Variants in SLC4A4 observed in about 807,000 individuals in gnomAD.
SLC4A4 encodes electrogenic sodium bicarbonate cotransporter 1.
SLC4A4 carries 27 observed loss-of-function variants against 111.5 expected under a neutral mutation model. The observed-to-expected ratio is 0.24, with a 90% CI of 0.18 to 0.33. SLC4A4 has a LOEUF of 0.33. Ranked by LOEUF, SLC4A4 falls within the 10% of genes least tolerant of loss-of-function variation. The probability of loss-of-function intolerance (pLI) is 1.00; values close to 1 mark genes in which losing one functional copy is unlikely to be tolerated. For missense variants in SLC4A4, 909 were observed against 1,315.5 expected (o/e 0.69, Z 4.78); for synonymous variants, 443 against 463.4 (o/e 0.96, Z 0.57).
intron 6 of SLC4A4, among the ~76,000 whole-genome samples, chr4:71,361,948 A>T (rs1323033588): frequency 6.6e-6 from 1 of 152,230 alleles, no homozygotes; most frequent in Non-Finnish European, 1.5e-5. Flanking sequence ...TTATAAGATG[A>T]TCAGACTTTT....
intron 1 of SLC4A4, among the ~76,000 whole-genome samples, chr4:71,218,324 A>G (rs1246718302): frequency 6.6e-6 from 1 of 152,168 alleles, no homozygotes; most frequent in Non-Finnish European, 1.5e-5. Context: ...GGTTAATTTT[A>G]TTTGTGATTA....
intron 6 of SLC4A4, among the ~76,000 whole-genome samples, chr4:71,395,173 G>A (rs1374867475): frequency 2.0e-5 from 3 of 152,118 alleles, no homozygotes; most frequent in Non-Finnish European, 4.4e-5. Context: ...AGACCTCACT[G>A]TAGAAACCAC....
chr4:71,204,741 A>C (rs530078053), intron 1 of SLC4A4, among the ~76,000 whole-genome samples: 70 of 152,294 alleles, frequency 4.6e-4, no homozygotes, highest in African/African-American at 1.6e-3. Context: ...GAATCATTTT[A>C]AACAATAGTT....
Position 71,234,654 on chromosome 4 carries a change from ACCTCAAGTGATCTG to A in SLC4A4, c.-1-1918_-1-1905del, listed in dbSNP as rs555674771. On this transcript the variant is annotated intron_variant, in intron 1 of 25. Coordinates refer to ENST00000264485, the MANE Select transcript of SLC4A4 (RefSeq NM_001098484.3). ...TAGTCAGGCTTGTCTCCAACTCCTG[ACCTCAAGTGATCTG>A]CCTGCCTTGGCCTGCCGAGGGATTA... Among the ~76,000 whole-genome samples, 63 of 152,134 alleles carry A rather than the reference ACCTCAAGTGATCTG, an allele frequency of 4.1e-4. No homozygotes were observed. The East Asian group carries it at 0.012, about 29-fold the overall frequency.
intron 1 of SLC4A4, among the ~76,000 whole-genome samples, chr4:71,087,454 ATGT>A (rs1233776104): frequency 7.9e-5 from 12 of 151,876 alleles, no homozygotes; most frequent in African/African-American, 2.9e-4. Flanking sequence ...TAGCTTTGGA[ATGT>A]GTTTACTCTT....
chr4:71,376,224 C>T (rs997050587), intron 6 of SLC4A4, among the ~76,000 whole-genome samples: 12 of 149,276 alleles, frequency 8.0e-5, no homozygotes, highest in African/African-American at 2.2e-4. Flanking sequence ...TTTTTTGAGA[C>T]GGAGTCTCGC....
chr4:71,347,860 C>T (rs889930343), intron 4 of SLC4A4, among the ~76,000 whole-genome samples: 11 of 151,962 alleles, frequency 7.2e-5, no homozygotes, highest in Non-Finnish European at 1.6e-4. Flanking sequence ...AATTCTATGA[C>T]CAAATATTCT....
At chr4:71,563,150 C>T (rs968086212) in intron 23 of SLC4A4, among the ~76,000 whole-genome samples, 2 of 151,808 alleles carry the variant, frequency 1.3e-5, no homozygotes, top group Admixed American at 1.3e-4. Flanking sequence ...TGATTCTCTG[C>T]TTATCTGACC....
chr4:71,176,921 G>T (rs151125902), intron 2 of SLC4A4, among the ~76,000 whole-genome samples: 1 of 152,090 alleles, frequency 6.6e-6, no homozygotes, highest in African/African-American at 2.4e-5. Context: ...TTAAGGGCAG[G>T]CAGAGAGAAA....
chr4:71,285,314 T>A (rs758797821), intron 3 of SLC4A4, among the ~76,000 whole-genome samples: 2 of 152,264 alleles, frequency 1.3e-5, no homozygotes, highest in Non-Finnish European at 2.9e-5. Context: ...CTCGGTAACC[T>A]CTTAGGTTGA....
At chr4:71,461,789 C>A (rs574371801) in intron 12 of SLC4A4, among the ~76,000 whole-genome samples, 2 of 152,158 alleles carry the variant, frequency 1.3e-5, no homozygotes, top group African/African-American at 4.8e-5. Flanking sequence ...TAATTGTATA[C>A]CCTAATACAA....
chr4:71,402,405 G>C (rs184756506), intron 7 of SLC4A4, among the ~76,000 whole-genome samples: 4 of 152,218 alleles, frequency 2.6e-5, no homozygotes, highest in Admixed American at 2.6e-4. Flanking sequence ...GTTATTTCAT[G>C]CTCACAGTGA....
intron 1 of SLC4A4, among the ~76,000 whole-genome samples, chr4:71,214,367 A>G (rs576611695): frequency 2.0e-5 from 3 of 152,170 alleles, no homozygotes; most frequent in East Asian, 3.9e-4. Context: ...TTCCAGGTAC[A>G]TGTTAGCATT....
chr4:71,485,313 A>T (rs1729270905), intron 14 of SLC4A4, among the ~76,000 whole-genome samples: 1 of 151,616 alleles, frequency 6.6e-6, no homozygotes, highest in Non-Finnish European at 1.5e-5. Context: ...TTCCTTCAAC[A>T]CCTAGTTTGT....
At chr4:71,247,825 C>T (rs147524409) in intron 2 of SLC4A4, among the ~76,000 whole-genome samples, 38 of 151,986 alleles carry the variant, frequency 2.5e-4, no homozygotes, top group African/African-American at 8.4e-4. Flanking sequence ...CATGTCTTCC[C>T]GTTGGGTGGC....
intron 16 of SLC4A4, among the ~76,000 whole-genome samples, chr4:71,510,424 C>T (rs533715653): frequency 1.3e-5 from 2 of 152,256 alleles, no homozygotes; most frequent in African/African-American, 4.8e-5. Flanking sequence ...TTCTAGTCGG[C>T]CATCTTAATG....
In SLC4A4 at chr4:71,534,393, GTGTCCATAATAA is replaced by G. The variant is rs1214092846; in HGVS notation, c.2442+10_2442+21del. The G allele has an allele frequency of 6.2e-7, 1 of 1,613,004 alleles. No homozygotes were observed. The highest frequency in any genetic ancestry group is 8.5e-7 in the Non-Finnish European group (1 of 1,179,248). ...AGGAAAGAACATAAACTCAAGGTAAGTGTCCATAATAATGTCTGTCATTGCCTTCTACTTTCT... is the reference window on the plus strand; with the variant it reads ...AGGAAAGAACATAAACTCAAGGTAAGTGTCTGTCATTGCCTTCTACTTTCT... On this transcript the variant is annotated splice_donor_region_variant and intron_variant, in intron 18 of 25. Transcript: ENST00000264485.
intron 16 of SLC4A4, among the ~76,000 whole-genome samples, chr4:71,498,360 T>C (rs935294151): frequency 2.6e-5 from 4 of 152,166 alleles, no homozygotes; most frequent in African/African-American, 9.7e-5. Context: ...TTTTGGTTTT[T>C]TGCCTGCAGA....
intron 7 of SLC4A4, among the ~76,000 whole-genome samples, chr4:71,412,470 CAGAT>C (rs1469198263): frequency 6.6e-6 from 1 of 152,146 alleles, no homozygotes; most frequent in Non-Finnish European, 1.5e-5. Context: ...ATTGCAATAG[CAGAT>C]GGATGTTTCG....
Sources: gnomAD v4.1 joint callset for allele counts (sites outside exome capture counted in the v4.1 genomes callset) on GRCh38, gnomAD v4.1.1 for gene constraint, MANE v1.5 for transcripts, NCBI Gene and HGNC (gene_info 2026-07-23, HGNC 2026-07-21) for gene names.